RTTN: variants seen among roughly 807,000 people sequenced by gnomAD.
RTTN encodes the protein rotatin.
In RTTN, 182 loss-of-function variants were observed where a neutral mutation model predicts 269.2. That is an observed-to-expected ratio of 0.68 (90% confidence interval 0.60 to 0.76). The LOEUF (loss-of-function observed/expected upper bound fraction) is 0.76. Among genes scored for constraint, RTTN ranks in the 30% least tolerant of loss-of-function variants. RTTN has a pLI of 0.00. For missense variants in RTTN, 2,545 were observed against 2,608.6 expected, an observed-to-expected ratio of 0.98 and a Z score of 0.53; for synonymous variants, 1,006 against 963.5, an observed-to-expected ratio of 1.04 and a Z score of -0.82.
At chr18:70,163,145 A>T (rs2060892454) in intron 14 of RTTN, among the ~76,000 whole-genome samples, 1 of 138,774 alleles carries the variant, frequency 7.2e-6, no homozygotes, top group African/African-American at 2.6e-5. Context: ...GCACTTTGGG[A>T]GGCCGAGGTG....
rs1386132286 is a variant in RTTN, at chr18:70,204,159, A to C, written c.324T>G (p.Ile108Met). 1.2e-6 allele frequency: 2 copies of C among 1,614,094 alleles called. No individual in the cohort carries two copies. Among genetic ancestry groups the C allele is most frequent in the South Asian group, 2.2e-5 (2 of 91,076 alleles). ...AAGGAAGAAGAAAAAGTCCATCCAG[A>C]ATGCCATCAATTTCAGCCTGCAGAT... ...EPNLQAEIDG[I>M]LDGLFLLPSE... Residue 108 changes from isoleucine to methionine, a missense_variant, in exon 3 of 49, where the codon ATT becomes ATG. Physicochemically the swap from Ile to Met is conservative, Grantham distance 10. Coordinates refer to ENST00000640769, the MANE Select transcript of RTTN (RefSeq NM_173630.4).
Position 70,030,903 on chromosome 18 carries a change from T to C in RTTN, c.5620A>G (p.Arg1874Gly). 6.2e-7 allele frequency: 1 copy of C among 1,613,712 alleles called. No individual in the cohort carries two copies. Among genetic ancestry groups the C allele is most frequent in the Non-Finnish European group, 8.5e-7 (1 of 1,179,830 alleles). ...NALMSLLAVS[R>G]RAQKHALKAN... ...TTCAAAGCATGTTTCTGTGCTCTTCTACTGACAGCCAGCAGTGACATCAAT... is the reference window on the plus strand; with the variant it reads ...TTCAAAGCATGTTTCTGTGCTCTTCCACTGACAGCCAGCAGTGACATCAAT... The change falls in exon 41 of 49, where the codon AGA (arginine) becomes GGA (glycine). Residue 1874 changes from arginine to glycine, a missense_variant. Arg to Gly is a moderately radical substitution (Grantham distance 125). Coordinates refer to ENST00000640769, the MANE Select transcript of RTTN (RefSeq NM_173630.4).
At chr18:70,007,629 C>T (rs1212286509) in intron 46 of RTTN, 4 of 152,214 alleles carry the variant, frequency 2.6e-5, no homozygotes, top group African/African-American at 9.7e-5. Context: ...ACAGTGCAAA[C>T]GAAGGCACTG....
intron 25 of RTTN, among the ~76,000 whole-genome samples, chr18:70,122,021 G>GACCCAGTT (rs1436881586): frequency 6.6e-6 from 1 of 152,108 alleles, no homozygotes; most frequent in South Asian, 2.1e-4. Flanking sequence ...ACCGCCCAGT[G>GACCCAGTT]AAACTTGCTT....
intron 27 of RTTN, among the ~76,000 whole-genome samples, chr18:70,110,236 T>TAA (rs80034761): frequency 8.5e-5 from 11 of 128,806 alleles, no homozygotes; most frequent in African/African-American, 2.9e-4. Context: ...CATCCCTTTT[T>TAA]AAAAAAAAAA....
At chr18:70,100,842 T>G (rs1003968723) in intron 28 of RTTN, among the ~76,000 whole-genome samples, 3 of 152,116 alleles carry the variant, frequency 2.0e-5, no homozygotes, top group Non-Finnish European at 4.4e-5. Context: ...AATCATGTGG[T>G]TTTTGTCTTT....
intron 9 of RTTN, among the ~76,000 whole-genome samples, chr18:70,189,620 G>A (rs1336991495): frequency 6.6e-6 from 1 of 152,176 alleles, no homozygotes; most frequent in Non-Finnish European, 1.5e-5. Context: ...CGTGGTTCAA[G>A]TCCCTGCTTT....
Position 70,059,880 on chromosome 18 carries a change from C to T in RTTN, c.4910G>A (p.Arg1637Gln), listed in dbSNP as rs755671269. The change falls in exon 36 of 49, where the codon CGA becomes CAA. Residue 1637 changes from arginine (R) to glutamine (Q), a missense_variant. Arg to Gln is a conservative substitution (Grantham distance 43, BLOSUM62 1). Coordinates refer to ENST00000640769, the MANE Select transcript of RTTN (RefSeq NM_173630.4). ...GAGAAGTTCTATGAGATGAGCTTGTCGAAAAGCCTTTGCAGTGTCTCTGGG... is the reference window on the plus strand; with the variant it reads ...GAGAAGTTCTATGAGATGAGCTTGTTGAAAAGCCTTTGCAGTGTCTCTGGG... ...IAPRDTAKAF[R>Q]QAHLIELLCS... 24 of 1,609,920 alleles carry T rather than the reference C, an allele frequency of 1.5e-5. No homozygotes were observed. Among genetic ancestry groups the T allele is most frequent in the African/African-American group, 1.1e-4 (8 of 74,738 alleles).
chr18:70,004,262 A>G, intron 48 of RTTN, 26 bp from the exon 49 acceptor site: 1 of 1,533,508 alleles, frequency 6.5e-7, no homozygotes, highest in Non-Finnish European at 9.0e-7. Context: ...AAGAGTACAG[A>G]AATACTAGTT....
chr18:70,136,266 T>G (rs1017917013), intron 21 of RTTN, among the ~76,000 whole-genome samples: 2 of 152,260 alleles, frequency 1.3e-5, no homozygotes, highest in Non-Finnish European at 2.9e-5. Context: ...ATTTAATTTT[T>G]TTAAACAACA....
intron 34 of RTTN, among the ~76,000 whole-genome samples, chr18:70,071,608 G>A (rs1040772433): frequency 1.3e-5 from 2 of 152,166 alleles, no homozygotes; most frequent in African/African-American, 4.8e-5. Flanking sequence ...CACTCCTGAG[G>A]AAGCATTTAC....
chr18:70,129,584 T>C (rs866189255), intron 23 of RTTN: 4 of 150,300 alleles, frequency 2.7e-5, no homozygotes, highest in South Asian at 4.2e-4. Flanking sequence ...TGCAGAAAAA[T>C]GAAACTAGAT....
At chr18:70,092,847 A>C in intron 28 of RTTN, 43 bp from the exon 29 acceptor site, 3 of 1,547,434 alleles carry the variant, frequency 1.9e-6, no homozygotes, top group South Asian at 1.2e-5. Context: ...CTTTATTCTC[A>C]ATGGTATATA....
chr18:70,004,233 A>T lies in RTTN; in HGVS notation c.6599T>A (p.Phe2200Tyr), dbSNP rs1482602937. The T allele has an allele frequency of 1.9e-6, 3 of 1,611,622 alleles. No individual in the cohort carries two copies. Among genetic ancestry groups the T allele is most frequent in the Non-Finnish European group, 1.7e-6 (2 of 1,177,816 alleles). ...TAGAGGGTTTGCTTCTGAGTTTGGG[A>T]AAGCTGAGATAGAAAAATAAGAGTA... ...DEAYSLAKKTFPNSEANPLNA... is the reference protein window; with the variant it reads ...DEAYSLAKKTYPNSEANPLNA... The change falls in exon 49 of 49, where the codon TTC (phenylalanine) becomes TAC (tyrosine). Residue 2200 changes from phenylalanine (F) to tyrosine (Y), a missense_variant. Transcript: ENST00000640769.
intron 40 of RTTN, among the ~76,000 whole-genome samples, chr18:70,036,374 G>A (rs1404283718): frequency 6.6e-6 from 1 of 152,176 alleles, no homozygotes; most frequent in Admixed American, 6.5e-5. Flanking sequence ...ATAAAAAAGA[G>A]TGAGATCATG....
intron 26 of RTTN, among the ~76,000 whole-genome samples, chr18:70,115,405 AAT>A (rs1250043963): frequency 6.6e-6 from 1 of 151,976 alleles, no homozygotes; most frequent in African/African-American, 2.4e-5. Context: ...TAGATAAAGG[AAT>A]ATAAGAGGAT....
rs952994188 is a variant in RTTN, at chr18:70,149,850, G to A, written c.2172+121C>T. 70 of 738,640 alleles carry A rather than the reference G, an allele frequency of 9.5e-5. 1 individual carries two copies. Among genetic ancestry groups the A allele is most frequent in the Admixed American group, 2.8e-4 (14 of 49,142 alleles). 45.8% of individuals were successfully genotyped at this position (738,640 alleles called of 1,614,324 possible). A position where few individuals can be genotyped will look rare whatever the true frequency, so the allele number is the denominator to read the frequency against. ...CACTTCCTGTTCACTTATCCCCAGC[G>A]CCTTCACAGCTTCTCTTCATTTCTC... On this transcript the variant is annotated intron_variant, in intron 16 of 48. Transcript: ENST00000640769.
At chr18:70,031,224 GCTTT>G in intron 40 of RTTN, 2 of 520,586 alleles carry the variant, frequency 3.8e-6, no homozygotes, top group Middle Eastern at 4.9e-4. Flanking sequence ...ACAGAAAAAA[GCTTT>G]ATTTAGCTTT....
chr18:70,200,970 A>G (rs2061929987), intron 4 of RTTN, among the ~76,000 whole-genome samples: 1 of 152,212 alleles, frequency 6.6e-6, no homozygotes, highest in Non-Finnish European at 1.5e-5. Flanking sequence ...GTTCACGGCT[A>G]TTATCAAACT....
Sources: gnomAD v4.1 joint callset for allele counts (sites outside exome capture counted in the v4.1 genomes callset) on GRCh38, gnomAD v4.1.1 for gene constraint, MANE v1.5 for transcripts, NCBI Gene and HGNC (gene_info 2026-07-23, HGNC 2026-07-21) for gene names.